The following SGSM2 variants were observed in gnomAD, a reference collection of about 807,000 sequenced individuals.
SGSM2 encodes RUN and TBC1 domain containing 1.
SGSM2 carries 89 observed loss-of-function variants against 126.6 expected under a neutral mutation model. The observed-to-expected ratio is 0.70, with a 90% CI of 0.59 to 0.84. The LOEUF (loss-of-function observed/expected upper bound fraction) is 0.84, where lower values mean the gene tolerates loss of function less well. SGSM2 is among the 40% of genes least tolerant of loss of function. The pLI, the probability that SGSM2 is intolerant of heterozygous loss-of-function variation, is 0.00. For missense variants in SGSM2, 1,404 were observed against 1,416.6 expected (o/e 0.99, Z 0.14); for synonymous variants, 614 against 574.3 (o/e 1.07, Z -0.99).
At chr17:2,352,994 G>C (rs1316377698) in intron 2 of SGSM2, among the ~76,000 whole-genome samples, 1 of 151,416 alleles carries the variant, frequency 6.6e-6, no homozygotes, top group Non-Finnish European at 1.5e-5. Context: ...AGCCAGGATG[G>C]TCTGGATCTC....
chr17:2,373,634 G>A, intron 17 of SGSM2, 121 bp downstream of exon 17: 1 of 855,154 alleles, frequency 1.2e-6, no homozygotes, highest in Non-Finnish European at 1.8e-6. Context: ...AAAGGCCTAA[G>A]GTGCCTGTGT....
chr17:2,380,623 T>G lies in SGSM2; in HGVS notation c.*1103T>G, dbSNP rs868640225. On this transcript the variant is annotated 3_prime_UTR_variant, in exon 24 of 24. Coordinates refer to ENST00000268989, the MANE Select transcript of SGSM2 (RefSeq NM_014853.3). ...GGGGTGCCAGGAAGGGCATAGCTCC[T>G]GCCCCCAGGCCTAGGCATGCTGCTT... The G allele has an allele frequency of 1.9e-5, 8 of 415,638 alleles. No homozygotes were observed. Among genetic ancestry groups the G allele is most frequent in the African/African-American group, 1.2e-4 (6 of 49,078 alleles). The allele number at this position is 415,638 out of a possible 1,614,324, so 25.7% of individuals were successfully genotyped here. A position where few individuals can be genotyped will look rare whatever the true frequency, so the allele number is the denominator to read the frequency against.
chr17:2,373,112 G>A (rs1226612477), intron 16 of SGSM2, 31 bp downstream of exon 16: 3 of 1,447,328 alleles, frequency 2.1e-6, no homozygotes, highest in Admixed American at 1.8e-5. Flanking sequence ...TGGGGCTGAT[G>A]AGATGGGGAG....
At chr17:2,378,844 C>T (rs1394766038) in intron 22 of SGSM2, among the ~76,000 whole-genome samples, 192 bp from the exon 23 acceptor site, 2 of 152,144 alleles carry the variant, frequency 1.3e-5, no homozygotes, top group African/African-American at 4.8e-5. Context: ...CGACTTTGGC[C>T]CCTGAAGCTC....
rs958307853 is a variant in SGSM2 at position 2,371,814 on chromosome 17, G to A, written c.1578-376G>A. The A allele has an allele frequency of 9.5e-5, 36 of 380,624 alleles. No individual in the cohort carries two copies. The Admixed American group carries it at 1.0e-3, about 11-fold the overall frequency. 23.6% of individuals were successfully genotyped at this position (380,624 alleles called of 1,614,324 possible). ...TGAGGACACTCAGCAGCCACCTGCCGTGTGCCAGGGCAGTGAGTGAATGGC... is the reference window on the plus strand; with the variant it reads ...TGAGGACACTCAGCAGCCACCTGCCATGTGCCAGGGCAGTGAGTGAATGGC... On this transcript the variant is annotated intron_variant, in intron 13 of 23. Transcript: ENST00000268989.
chr17:2,347,531 T>C (rs1443919174), intron 2 of SGSM2, among the ~76,000 whole-genome samples: 1 of 151,902 alleles, frequency 6.6e-6, no homozygotes, highest in Non-Finnish European at 1.5e-5. Context: ...TTCTCTATCA[T>C]ATGGTTTTTG....
At position 2,372,484 on chromosome 17, in the gene SGSM2, A is replaced by G. The variant is rs2065919707; in HGVS notation, c.1784A>G (p.Lys595Arg). Residue 595 changes from lysine (K) to arginine (R), a missense_variant, in exon 15 of 24, where the codon AAA becomes AGA. Physicochemically the swap from Lys to Arg is conservative, Grantham distance 26. Coordinates refer to ENST00000268989, the MANE Select transcript of SGSM2 (RefSeq NM_014853.3). This position sits in a 1 kb window ranked among gnomAD's most constrained non-coding sequence, Gnocchi z 6.0. ...GTGTGGAGCAAGTATCAGAAGGACAAAAAGGTGCCAACCCTGGGGTTCCAG... is the reference window on the plus strand; with the variant it reads ...GTGTGGAGCAAGTATCAGAAGGACAGAAAGGTGCCAACCCTGGGGTTCCAG... ...KDVWSKYQKD[K>R]KNYKELELLR... 2 of 1,597,604 alleles carry G rather than the reference A, an allele frequency of 1.3e-6. No individual in the cohort carries two copies. Among genetic ancestry groups the G allele is most frequent in the African/African-American group, 2.7e-5 (2 of 73,958 alleles).
In SGSM2 at chr17:2,337,686, AC is replaced by A; in HGVS notation, c.-1del. On this transcript the variant is annotated 5_prime_UTR_variant, in exon 1 of 24. Coordinates refer to ENST00000268989, the MANE Select transcript of SGSM2 (RefSeq NM_014853.3). The surrounding 1 kb of genome is among the most constrained non-coding windows in gnomAD (Gnocchi z 5.1). ...ACCGCTCGGCGCCGCCTCCTGCCAC[AC>A]CATGGGCAGCGCAGAGGACGCAGTC... 1 of 1,506,296 alleles carries A rather than the reference AC, an allele frequency of 6.6e-7. No individual in the cohort carries two copies. Among genetic ancestry groups the A allele is most frequent in the Non-Finnish European group, 8.9e-7 (1 of 1,121,160 alleles). 93.3% of individuals were successfully genotyped at this position (1,506,296 alleles called of 1,614,324 possible).
intron 2 of SGSM2, among the ~76,000 whole-genome samples, chr17:2,357,883 C>T (rs1175273033): frequency 2.0e-5 from 3 of 152,184 alleles, no homozygotes; most frequent in African/African-American, 4.8e-5. Flanking sequence ...ATTAATTAGT[C>T]CACATTTTTT....
chr17:2,380,964 C>G lies in SGSM2; in HGVS notation c.*1444C>G, dbSNP rs1184718009. 1.3e-5 allele frequency: 2 copies of G among 153,878 alleles called. No homozygotes were observed. Among genetic ancestry groups the G allele is most frequent in the Admixed American group, 6.5e-5 (1 of 15,406 alleles). 9.5% of individuals were successfully genotyped at this position (153,878 alleles called of 1,614,324 possible). On this transcript the variant is annotated 3_prime_UTR_variant, in exon 24 of 24. Transcript: ENST00000268989. ...CATTGTGTGCCTGCCTTAGTGACTCCGTGGTTTTGTGAGGAGCAGAGTGTG... is the reference window on the plus strand; with the variant it reads ...CATTGTGTGCCTGCCTTAGTGACTCGGTGGTTTTGTGAGGAGCAGAGTGTG...
At chr17:2,378,002 T>A (rs765072630) in intron 22 of SGSM2, 49 bp downstream of exon 22, 4 of 1,181,866 alleles carry the variant, frequency 3.4e-6, no homozygotes, top group South Asian at 2.5e-5. Context: ...CAGTGAGAGA[T>A]CCCTCTTCCC....
In SGSM2 at chr17:2,379,003, G is replaced by A; in HGVS notation, c.2900-33G>A. On this transcript the variant is annotated intron_variant, in intron 22 of 23. Transcript: ENST00000268989. ...GCCTCAGCCCCAGATATGCGGCTAG[G>A]ACGGGTGAGCAGCAGCCGCTTACTC... 3 of 1,601,782 alleles carry A rather than the reference G, an allele frequency of 1.9e-6. No individual in the cohort carries two copies. The African/African-American group carries it at 4.0e-5, about 21-fold the overall frequency.
At chr17:2,342,245 G>A (rs576280165) in intron 1 of SGSM2, among the ~76,000 whole-genome samples, 244 of 146,052 alleles carry the variant, frequency 1.7e-3, no homozygotes, top group Admixed American at 2.9e-3. Context: ...GAGAAACCCC[G>A]TCTCTACTAA....
chr17:2,366,211 C>T (rs2065576418), intron 11 of SGSM2, among the ~76,000 whole-genome samples: 1 of 152,130 alleles, frequency 6.6e-6, no homozygotes, highest in South Asian at 2.1e-4. Context: ...CGGCTTGGCC[C>T]TTGTGGGTCC....
In SGSM2 at chr17:2,357,406, A is replaced by G. The variant is rs767840083; in HGVS notation, c.134-4231A>G. Among the ~76,000 whole-genome samples the G allele has an allele frequency of 1.9e-4, 29 of 152,262 alleles. No individual in the cohort carries two copies. The Middle Eastern group carries it at 0.014, about 71-fold the overall frequency. On this transcript the variant is annotated intron_variant, in intron 2 of 23. Coordinates refer to ENST00000268989, the MANE Select transcript of SGSM2 (RefSeq NM_014853.3). Reference sequence around the variant, plus strand: ...TCAACGAGTGGATAAAGAAACTGATAAATACATACAGTGGAATACTACTCA... The same window carrying G: ...TCAACGAGTGGATAAAGAAACTGATGAATACATACAGTGGAATACTACTCA...
chr17:2,362,134 G>T lies in SGSM2; in HGVS notation c.322G>T (p.Ala108Ser). Residue 108 changes from alanine to serine, a missense_variant, in exon 4 of 24, where the codon GCC becomes TCC. Ala to Ser is a moderately conservative substitution (Grantham distance 99). Coordinates refer to ENST00000268989, the MANE Select transcript of SGSM2 (RefSeq NM_014853.3). This position sits in a 1 kb window ranked among gnomAD's most constrained non-coding sequence, Gnocchi z 4.9. ...GRKPSGVSQE[A>S]LRRQGSASGK... is the part of the protein sequence containing the mutation. ...GAAACCCTCAGGGGTCAGCCAGGAG[G>T]CCCTGCGGAGACAGGGCTCAGCCAG... The T allele has an allele frequency of 6.2e-7, 1 of 1,613,352 alleles. No homozygotes were observed. The highest frequency in any genetic ancestry group is 2.2e-5 in the East Asian group (1 of 44,876).
At chr17:2,376,876 C>T in intron 20 of SGSM2, 61 bp downstream of exon 20, 1 of 1,607,762 alleles carries the variant, frequency 6.2e-7, no homozygotes, top group Non-Finnish European at 8.5e-7. Flanking sequence ...GAGAGGGTGG[C>T]CAGGTCTGGA....
chr17:2,362,912 C>G lies in SGSM2; in HGVS notation c.526+7C>G, dbSNP rs1357133825. ...ATCCTGGCCTCTCTTCTAGGTGAGC[C>G]TGAGAGCACAGGCACAGTGGGTACG... On this transcript the variant is annotated splice_region_variant and intron_variant, in intron 5 of 23. Transcript: ENST00000268989. The surrounding 1 kb of genome is among the most constrained non-coding windows in gnomAD (Gnocchi z 4.9). 1.2e-6 allele frequency: 2 copies of G among 1,614,208 alleles called. No homozygotes were observed. Among genetic ancestry groups the G allele is most frequent in the East Asian group, 2.2e-5 (1 of 44,890 alleles).
chr17:2,361,769 T>C lies in SGSM2; in HGVS notation c.266T>C (p.Val89Ala), dbSNP rs975294805. The C allele has an allele frequency of 6.2e-6, 10 of 1,610,864 alleles. No individual in the cohort carries two copies. Among genetic ancestry groups the C allele is most frequent in the Middle Eastern group, 1.7e-4 (1 of 5,986 alleles). Residue 89 changes from valine to alanine, a missense_variant, in exon 3 of 24, where the codon GTA (valine) becomes GCA (alanine). Val to Ala is a moderately conservative substitution (Grantham distance 64). Coordinates refer to ENST00000268989, the MANE Select transcript of SGSM2 (RefSeq NM_014853.3). ...CPVAGEICHK[V>A]QELQQQAEGR... Reference sequence around the variant, plus strand: ...GTGGCGGGGGAGATTTGCCACAAGGTACAGGAGCTGCAGCAACAAGCAGAG... The same window carrying C: ...GTGGCGGGGGAGATTTGCCACAAGGCACAGGAGCTGCAGCAACAAGCAGAG...
Sources: gnomAD v4.1 joint callset for allele counts (sites outside exome capture counted in the v4.1 genomes callset) on GRCh38, gnomAD v4.1.1 for gene constraint, Gnocchi (gnomAD v3.1) non-coding constraint, MANE v1.5 for transcripts, NCBI Gene and HGNC (gene_info 2026-07-23, HGNC 2026-07-21) for gene names.